The following SMAD1 variants were observed in gnomAD, a reference collection of about 807,000 sequenced individuals.
SMAD1 encodes the protein MAD, mothers against decapentaplegic homolog 1.
In SMAD1, 6 loss-of-function variants were observed where a neutral mutation model predicts 41.6. The observed-to-expected ratio is 0.14, with a 90% confidence interval of 0.08 to 0.28. SMAD1 has a LOEUF of 0.28. SMAD1 is among the 10% of genes least tolerant of loss of function. SMAD1 has a pLI of 1.00. For synonymous variants in SMAD1, 206 were observed against 203.2 expected (o/e 1.01, Z -0.12); for missense variants, 379 against 582.6 (o/e 0.65, Z 3.60).
At chr4:145,508,013 TCG>T (rs142909071) in intron 1 of SMAD1, among the ~76,000 whole-genome samples, 2,608 of 152,242 alleles carry the variant, frequency 0.017, 62 homozygotes, top group East Asian at 0.048. Context: ...ACTTTAATTT[TCG>T]TGAGTGGCCT....
chr4:145,512,955 C>T (rs762647646), intron 1 of SMAD1, among the ~76,000 whole-genome samples: 4 of 152,104 alleles, frequency 2.6e-5, no homozygotes, highest in Non-Finnish European at 5.9e-5. Context: ...TCATTTTTGC[C>T]CTTAGACTGG....
intron 1 of SMAD1, among the ~76,000 whole-genome samples, chr4:145,489,224 T>TC (rs1373109557): frequency 6.6e-6 from 1 of 152,208 alleles, no homozygotes; most frequent in Non-Finnish European, 1.5e-5. Context: ...CAGTGGGTGT[T>TC]CCTCATGGAG....
intron 1 of SMAD1, among the ~76,000 whole-genome samples, chr4:145,487,835 C>T (rs1375347055): frequency 6.6e-6 from 1 of 152,080 alleles, no homozygotes; most frequent in African/African-American, 2.4e-5. Flanking sequence ...AGCGGCTTCT[C>T]TAGAACATTC....
At chr4:145,487,425 T>A (rs1728532649) in intron 1 of SMAD1, among the ~76,000 whole-genome samples, 1 of 152,314 alleles carries the variant, frequency 6.6e-6, no homozygotes, top group South Asian at 2.1e-4. Context: ...TACTTCTATA[T>A]GTGGTTTTAC....
chr4:145,484,234 A>G (rs1728352587), intron 1 of SMAD1, among the ~76,000 whole-genome samples: 1 of 152,186 alleles, frequency 6.6e-6, no homozygotes, highest in Non-Finnish European at 1.5e-5. Context: ...AAAAGATCTC[A>G]TTTGTGTAGT....
At chr4:145,484,445 G>A (rs777010460) in intron 1 of SMAD1, 5 of 152,220 alleles carry the variant, frequency 3.3e-5, no homozygotes, top group South Asian at 2.1e-4. Flanking sequence ...AGTCTATGAT[G>A]TCAGCCTATT....
intron 4 of SMAD1, among the ~76,000 whole-genome samples, chr4:145,543,928 C>CT (rs1413602943): frequency 1.3e-5 from 2 of 152,238 alleles, no homozygotes; most frequent in Non-Finnish European, 2.9e-5. Flanking sequence ...CATTTTAGTG[C>CT]TTTTTTATTA....
chr4:145,556,389 G>GATATATATATATCT (rs1553951835), intron 6 of SMAD1, among the ~76,000 whole-genome samples: 1 of 151,674 alleles, frequency 6.6e-6, no homozygotes, highest in Non-Finnish European at 1.5e-5. Flanking sequence ...CATCTATGTA[G>GATATATATATATCT]ATATATATAT....
chr4:145,513,544 G>T (rs1306958833), intron 1 of SMAD1, among the ~76,000 whole-genome samples: 3 of 152,040 alleles, frequency 2.0e-5, no homozygotes, highest in African/African-American at 7.3e-5. Context: ...TAAAGCAGGA[G>T]ATGTATTTCC....
At chr4:145,556,141 A>T (rs1732823523) in intron 6 of SMAD1, among the ~76,000 whole-genome samples, 1 of 152,234 alleles carries the variant, frequency 6.6e-6, no homozygotes, top group Admixed American at 6.5e-5. Context: ...TTGGATATTA[A>T]CATAAAACAC....
At chr4:145,539,712 T>C (rs1290136544) in intron 2 of SMAD1, 92 bp from the exon 3 acceptor site, 3 of 1,266,774 alleles carry the variant, frequency 2.4e-6, no homozygotes, top group Non-Finnish European at 3.3e-6. Context: ...TAATTTGTTG[T>C]TGTTTACAGA....
At position 145,557,971 on chromosome 4, in the gene SMAD1, C is replaced by G. The variant is rs564825332; in HGVS notation, c.*37C>G. ...CATCTGCCTCTGGAAAACTATTGAG[C>G]CTTGCATGTACTTGAAGGATGGATG... On this transcript the variant is annotated 3_prime_UTR_variant, in exon 7 of 7. Coordinates refer to ENST00000302085, the MANE Select transcript of SMAD1 (RefSeq NM_005900.3). The G allele has an allele frequency of 3.3e-6, 5 of 1,535,244 alleles. No individual in the cohort carries two copies. In the Admixed American group the frequency reaches 7.0e-5, roughly 21 times the overall value.
intron 1 of SMAD1, among the ~76,000 whole-genome samples, chr4:145,488,600 G>A (rs1473455829): frequency 6.6e-6 from 1 of 151,942 alleles, no homozygotes; most frequent in East Asian, 1.9e-4. Flanking sequence ...AAAAGGTGGG[G>A]GGGAGACTCT....
intron 1 of SMAD1, among the ~76,000 whole-genome samples, chr4:145,485,999 C>G (rs560068176): frequency 1.1e-4 from 16 of 152,236 alleles, no homozygotes; most frequent in African/African-American, 3.9e-4. Flanking sequence ...CGAGGCAGTC[C>G]AACTCTAGAA....
At chr4:145,526,304 T>G (rs1197165541) in intron 2 of SMAD1, among the ~76,000 whole-genome samples, 1 of 152,234 alleles carries the variant, frequency 6.6e-6, no homozygotes, top group Non-Finnish European at 1.5e-5. Context: ...CCCTGTAGTT[T>G]CCCTATCAGT....
chr4:145,522,844 T>C (rs1390451372), intron 2 of SMAD1, among the ~76,000 whole-genome samples: 1 of 151,850 alleles, frequency 6.6e-6, no homozygotes, highest in Non-Finnish European at 1.5e-5. Context: ...CATGCCCAAC[T>C]AATTTTTGTA....
In SMAD1 at chr4:145,540,049, T is replaced by C. The variant is rs762249726; in HGVS notation, c.646T>C (p.Phe216Leu). The change falls in exon 3 of 7, where the codon TTC (phenylalanine) becomes CTC (leucine). Residue 216 changes from phenylalanine to leucine, a missense_variant. Around this residue, in one of 3 missense-constraint regions of SMAD1, gnomAD observed 208 missense variants for 210.5 expected, o/e 0.99. Transcript: ENST00000302085. ...SPTSSDPGSPFQMPADTPPPA... is the reference protein window; with the variant it reads ...SPTSSDPGSPLQMPADTPPPA... ...CACCAGCTCAGACCCAGGAAGCCCT[T>C]TCCAGATGCCAGGTAGGTTGGAATG... 46 of 1,613,934 alleles carry C rather than the reference T, an allele frequency of 2.9e-5. No individual in the cohort carries two copies. The highest frequency in any genetic ancestry group is 3.6e-5 in the Non-Finnish European group (42 of 1,179,950).
At chr4:145,542,776 T>C in intron 4 of SMAD1, 78 bp downstream of exon 4, 1 of 949,446 alleles carries the variant, frequency 1.1e-6, no homozygotes, top group South Asian at 1.6e-5. Context: ...CAAATTTTTA[T>C]TAGTCTTTAA....
intron 2 of SMAD1, among the ~76,000 whole-genome samples, chr4:145,538,011 G>A (rs1280062913): frequency 6.6e-6 from 1 of 152,180 alleles, no homozygotes; most frequent in East Asian, 1.9e-4. Context: ...GGACATGAAG[G>A]ATTGCTGTCT....
Sources: gnomAD v4.1 joint callset for allele counts (sites outside exome capture counted in the v4.1 genomes callset) on GRCh38, gnomAD v4.1.1 for gene constraint, gnomAD v4.1.1 regional missense constraint, MANE v1.5 for transcripts, NCBI Gene and HGNC (gene_info 2026-07-23, HGNC 2026-07-21) for gene names.